Variants in RFX8 observed in about 807,000 individuals in gnomAD.
The protein encoded by RFX8 is DNA-binding protein RFX8.
A neutral mutation model predicts 54.6 loss-of-function variants in RFX8; 46 were observed. That is an observed-to-expected ratio of 0.84 (90% CI 0.67 to 1.08). RFX8 has a LOEUF of 1.08. Among genes scored for constraint, RFX8 ranks in the 50% least tolerant of loss-of-function variants. The probability of loss-of-function intolerance (pLI) is 0.00; values close to 1 mark genes in which losing one functional copy is unlikely to be tolerated. For synonymous variants in RFX8, 192 were observed against 209.5 expected (o/e 0.92, Z 0.72); for missense variants, 536 against 562.3 (o/e 0.95, Z 0.47).
intron 1 of RFX8, chr2:101,474,058 G>T: frequency 2.1e-6 from 1 of 469,400 alleles, no homozygotes; most frequent in South Asian, 3.2e-5. Flanking sequence ...TGCGGCGGGC[G>T]AGCATCAGAA....
chr2:101,451,315 C>T (rs1688666858), intron 2 of RFX8, among the ~76,000 whole-genome samples: 1 of 152,090 alleles, frequency 6.6e-6, no homozygotes, highest in South Asian at 2.1e-4. Flanking sequence ...TTAAAACAAG[C>T]AACAAATAGC....
At chr2:101,464,889 G>C (rs1165794936) in intron 2 of RFX8, among the ~76,000 whole-genome samples, 1 of 152,128 alleles carries the variant, frequency 6.6e-6, no homozygotes, top group African/African-American at 2.4e-5. Context: ...GCATCCCATG[G>C]AGCTAAAACA....
intron 1 of RFX8, chr2:101,474,377 T>C: frequency 2.5e-6 from 1 of 395,324 alleles, no homozygotes; most frequent in South Asian, 9.3e-5. Context: ...CGGTGTTTAC[T>C]TTAGAAAGGA....
chr2:101,428,070 G>A (rs1184210516), intron 2 of RFX8, among the ~76,000 whole-genome samples: 1 of 150,598 alleles, frequency 6.6e-6, no homozygotes, highest in East Asian at 2.0e-4. Flanking sequence ...AAGGGGGGCA[G>A]ATCTCTTGGG....
At chr2:101,470,899 T>G (rs1689947127) in intron 1 of RFX8, among the ~76,000 whole-genome samples, 1 of 150,232 alleles carries the variant, frequency 6.7e-6, no homozygotes, top group African/African-American at 2.4e-5. Context: ...TTTTGTATAT[T>G]TAGTAGAGAT....
At chr2:101,436,680 T>G (rs1270113009) in intron 2 of RFX8, among the ~76,000 whole-genome samples, 1 of 152,206 alleles carries the variant, frequency 6.6e-6, no homozygotes, top group Non-Finnish European at 1.5e-5. Context: ...AGCTCGCTTC[T>G]GGGTTTTAAA....
intron 2 of RFX8, among the ~76,000 whole-genome samples, chr2:101,432,985 T>C (rs1444431573): frequency 2.0e-5 from 3 of 152,166 alleles, no homozygotes; most frequent in East Asian, 1.9e-4. Context: ...AGCCAACCCT[T>C]ACCTAGGATG....
At chr2:101,469,779 G>C (rs1282765915) in intron 1 of RFX8, among the ~76,000 whole-genome samples, 2 of 152,104 alleles carry the variant, frequency 1.3e-5, no homozygotes, top group African/African-American at 2.4e-5. Flanking sequence ...TACCGAGCCT[G>C]CCTGTTACCT....
chr2:101,434,222 A>G (rs1687645721), intron 2 of RFX8, among the ~76,000 whole-genome samples: 1 of 152,188 alleles, frequency 6.6e-6, no homozygotes. Flanking sequence ...ATGGAATCAC[A>G]TGTGTGACAA....
chr2:101,441,222 G>A (rs970862364), intron 2 of RFX8, among the ~76,000 whole-genome samples: 13 of 152,228 alleles, frequency 8.5e-5, no homozygotes, highest in African/African-American at 2.6e-4. Flanking sequence ...CGCCTGCCTC[G>A]GCCTCCCAAA....
intron 4 of RFX8, 88 bp downstream of exon 4, chr2:101,421,636 C>A (rs1686869268): frequency 1.3e-6 from 2 of 1,497,438 alleles, no homozygotes; most frequent in South Asian, 1.3e-5. Flanking sequence ...TTGACGGGGT[C>A]TCTTCAAATA....
chr2:101,422,877 C>T (rs1686942759), intron 2 of RFX8, among the ~76,000 whole-genome samples: 1 of 152,296 alleles, frequency 6.6e-6, no homozygotes, highest in South Asian at 2.1e-4. Context: ...GTCATTCTGC[C>T]TATATCATAA....
rs1243413156 is a variant in RFX8 at position 101,414,766 on chromosome 2, A to C, written c.561+88T>G. 7.9e-6 allele frequency: 8 copies of C among 1,016,874 alleles called. No individual in the cohort carries two copies. In the East Asian group the frequency reaches 1.9e-4, roughly 24 times the overall value. 63.0% of individuals were successfully genotyped at this position (1,016,874 alleles called of 1,614,324 possible). A position where few individuals can be genotyped will look rare whatever the true frequency, so the allele number is the denominator to read the frequency against. On this transcript the variant is annotated intron_variant, in intron 7 of 11. Transcript: ENST00000428343. The stretch of plus-strand genomic sequence containing the variant: ...CCTCTGCCCTCCAGATGGACAGAGC[A>C]ACCACTCACTCTTAACAGGGACTTA...
chr2:101,455,978 A>G (rs1317259632), intron 2 of RFX8, among the ~76,000 whole-genome samples: 2 of 152,054 alleles, frequency 1.3e-5, no homozygotes, highest in South Asian at 2.1e-4. Flanking sequence ...CTTTGTAGCA[A>G]TTGTGTATGG....
At chr2:101,438,314 T>C (rs1687897803) in intron 2 of RFX8, among the ~76,000 whole-genome samples, 2 of 152,242 alleles carry the variant, frequency 1.3e-5, no homozygotes, top group Non-Finnish European at 2.9e-5. Context: ...AGGATCTCAT[T>C]CTATTTTACA....
At chr2:101,415,328 A>G (rs1384536679) in intron 6 of RFX8, among the ~76,000 whole-genome samples, 2 of 152,210 alleles carry the variant, frequency 1.3e-5, no homozygotes, top group African/African-American at 4.8e-5. Flanking sequence ...GTGAAGACAA[A>G]GCAAAAAGAC....
chr2:101,414,013 A>T (rs944437828), intron 7 of RFX8, among the ~76,000 whole-genome samples: 3 of 151,454 alleles, frequency 2.0e-5, no homozygotes, highest in Admixed American at 2.0e-4. Context: ...TTGAGAGAGG[A>T]CTCCTGGTAG....
chr2:101,413,763 C>T (rs554952868), intron 7 of RFX8, among the ~76,000 whole-genome samples: 83 of 152,326 alleles, frequency 5.4e-4, no homozygotes, highest in African/African-American at 1.6e-3. Context: ...GAAGAGCACA[C>T]TGCCAGGTCA....
rs181684275 is a variant in RFX8, at chr2:101,422,030, G to T, written c.184-253C>A. Among the ~76,000 whole-genome samples the T allele has an allele frequency of 9.9e-5, 15 of 152,252 alleles. No individual in the cohort carries two copies. In the East Asian group the frequency reaches 1.9e-3, roughly 20 times the overall value. The stretch of plus-strand genomic sequence containing the variant: ...TGCAGATTTATTCTACCACTACAAA[G>T]GCCACCAAACTTTGACACCTTTTTT... On this transcript the variant is annotated intron_variant, in intron 3 of 11. Coordinates refer to ENST00000428343, the MANE Select transcript of RFX8 (RefSeq NM_001145664.2).
Sources: allele counts gnomAD v4.1 joint callset (sites outside exome capture counted in the v4.1 genomes callset), GRCh38; gene constraint gnomAD v4.1.1; transcripts MANE v1.5; gene names NCBI Gene and HGNC (gene_info 2026-07-23, HGNC 2026-07-21).